CAMSAP1: variants seen among roughly 807,000 people sequenced by gnomAD.
CAMSAP1 encodes the protein calmodulin regulated spectrin associated protein 1.
CAMSAP1 carries 58 observed loss-of-function variants against 143.5 expected under a neutral mutation model. The observed-to-expected ratio is 0.40, with a 90% CI of 0.33 to 0.50. CAMSAP1 has a LOEUF of 0.50. Ranked by LOEUF, CAMSAP1 falls within the 20% of genes least tolerant of loss-of-function variation. CAMSAP1 has a pLI of 0.45. For synonymous variants in CAMSAP1, 945 were observed against 859.3 expected, an observed-to-expected ratio of 1.10 and a Z score of -1.74; for missense variants, 1,969 against 2,115.7, an observed-to-expected ratio of 0.93 and a Z score of 1.36.
At chr9:135,825,882 A>T (rs1835654608) in intron 8 of CAMSAP1, among the ~76,000 whole-genome samples, 1 of 152,194 alleles carries the variant, frequency 6.6e-6, no homozygotes, top group South Asian at 2.1e-4. Context: ...ACACAGTGAG[A>T]GCAGGTGTGC....
chr9:135,817,997 G>T lies in CAMSAP1; in HGVS notation c.4251C>A (p.Ser1417=). Residue 1417 remains serine (S), a synonymous_variant, in exon 14 of 17, where the codon TCC becomes TCA. Transcript: ENST00000389532. Reference sequence around the variant, plus strand: ...CTTACCGCTGAGAGGGTGTGCCCCCGGAATGAACGCTCTCGGGTTCTGTCG... The same window carrying T: ...CTTACCGCTGAGAGGGTGTGCCCCCTGAATGAACGCTCTCGGGTTCTGTCG... ...AATTEPESVH[S]GGTPSQRVES... The T allele has an allele frequency of 6.2e-7, 1 of 1,613,876 alleles. No individual in the cohort carries two copies. Among genetic ancestry groups the T allele is most frequent in the Non-Finnish European group, 8.5e-7 (1 of 1,179,868 alleles).
At chr9:135,855,133 A>G (rs1836909655) in intron 5 of CAMSAP1, among the ~76,000 whole-genome samples, 1 of 152,096 alleles carries the variant, frequency 6.6e-6, no homozygotes, top group South Asian at 2.1e-4. Context: ...CTGAGACTAC[A>G]GGTGTGCACC....
chr9:135,878,869 G>A (rs574501143), intron 3 of CAMSAP1, among the ~76,000 whole-genome samples: 90 of 152,200 alleles, frequency 5.9e-4, no homozygotes, highest in African/African-American at 2.1e-3. Flanking sequence ...ATATGGAAAT[G>A]GCAAGAAAAC....
intron 7 of CAMSAP1, among the ~76,000 whole-genome samples, 185 bp from the exon 8 acceptor site, chr9:135,827,769 G>A (rs566646676): frequency 2.0e-5 from 3 of 152,320 alleles, no homozygotes; most frequent in Admixed American, 6.5e-5. Flanking sequence ...TTATACCGAA[G>A]TAAATACTAA....
At chr9:135,825,743 G>A (rs1343080251) in intron 8 of CAMSAP1, among the ~76,000 whole-genome samples, 1 of 151,670 alleles carries the variant, frequency 6.6e-6, no homozygotes. Flanking sequence ...GGGATAATTC[G>A]CCAGGTGCAG....
chr9:135,838,042 GAC>G (rs1836163503), intron 7 of CAMSAP1, among the ~76,000 whole-genome samples: 2 of 148,150 alleles, frequency 1.3e-5, no homozygotes, highest in Admixed American at 6.7e-5. Flanking sequence ...CCCCTGTACA[GAC>G]ACACGTCATC....
Position 135,821,208 on chromosome 9 carries a change from G to A in CAMSAP1, c.3453C>T (p.Asp1151=), listed in dbSNP as rs758804149. 2 of 1,609,232 alleles carry A rather than the reference G, an allele frequency of 1.2e-6. No individual in the cohort carries two copies. Among genetic ancestry groups the A allele is most frequent in the Non-Finnish European group, 1.7e-6 (2 of 1,179,878 alleles). ...HPRTPTDPGL[D]SALEPSGDPH... is the part of the protein sequence containing the mutation. ...GGTCACCACTGGGCTCCAGGGCACT[G>A]TCCAGGCCAGGGTCCGTGGGCGTCC... The change falls in exon 11 of 17, where the codon GAC becomes GAT. Residue 1151 remains aspartate (D), a synonymous_variant. Transcript: ENST00000389532. This position sits in a 1 kb window ranked among gnomAD's most constrained non-coding sequence, Gnocchi z 4.6.
At chr9:135,900,928 A>G (rs1364201255) in intron 1 of CAMSAP1, among the ~76,000 whole-genome samples, 1 of 151,598 alleles carries the variant, frequency 6.6e-6, no homozygotes, top group Non-Finnish European at 1.5e-5. Context: ...CTAATTTTGT[A>G]TTTTTAGTAG....
At chr9:135,906,356 G>C (rs1346343653) in intron 1 of CAMSAP1, among the ~76,000 whole-genome samples, 1 of 152,244 alleles carries the variant, frequency 6.6e-6, no homozygotes, top group African/African-American at 2.4e-5. Context: ...AGCCACTGAC[G>C]AGAATCACTA....
chr9:135,884,154 A>T (rs1295563103), intron 1 of CAMSAP1, among the ~76,000 whole-genome samples: 2 of 152,054 alleles, frequency 1.3e-5, no homozygotes, highest in Non-Finnish European at 2.9e-5. Context: ...AGATACTCCC[A>T]CCTCCACAGA....
chr9:135,851,790 G>T (rs949884853), intron 5 of CAMSAP1, among the ~76,000 whole-genome samples: 1 of 152,184 alleles, frequency 6.6e-6, no homozygotes, highest in African/African-American at 2.4e-5. Flanking sequence ...ACCGCTATAT[G>T]GTCCTCCACG....
Position 135,824,994 on chromosome 9 carries a change from C to G in CAMSAP1, c.1224-114G>C. 1 of 829,276 alleles carries G rather than the reference C, an allele frequency of 1.2e-6. No individual in the cohort carries two copies. Among genetic ancestry groups the G allele is most frequent in the South Asian group, 1.7e-5 (1 of 57,520 alleles). The allele number at this position is 829,276 out of a possible 1,614,324, so 51.4% of individuals were successfully genotyped here. On this transcript the variant is annotated intron_variant, in intron 8 of 16. Transcript: ENST00000389532. This position sits in a 1 kb window ranked among gnomAD's most constrained non-coding sequence, Gnocchi z 4.1. ...AATTCACACCAAGTTTTGAGAAACTCGGACTGTTTGGGAAAAAAATGACAA... is the reference window on the plus strand; with the variant it reads ...AATTCACACCAAGTTTTGAGAAACTGGGACTGTTTGGGAAAAAAATGACAA...
chr9:135,822,782 T>C lies in CAMSAP1; in HGVS notation c.1879A>G (p.Arg627Gly), dbSNP rs1835527725. The C allele has an allele frequency of 6.2e-7, 1 of 1,613,908 alleles. No homozygotes were observed. Among genetic ancestry groups the C allele is most frequent in the East Asian group, 2.2e-5 (1 of 44,864 alleles). Residue 627 changes from arginine (R) to glycine (G), a missense_variant, in exon 11 of 17, where the codon AGG becomes GGG. Coordinates refer to ENST00000389532, the MANE Select transcript of CAMSAP1 (RefSeq NM_015447.4). This position sits in a 1 kb window ranked among gnomAD's most constrained non-coding sequence, Gnocchi z 6.1. The part of the protein sequence containing the change: ...EGRPRSIVSR[R>G]PSEGPQPLVR... ...AAAGGCTGGGGGCCCTCGCTGGGCC[T>C]CCTAGACACGATGCTCCTCGGTCTC...
Position 135,822,656 on chromosome 9 carries a change from G to C in CAMSAP1, c.2005C>G (p.Pro669Ala), listed in dbSNP as rs756421203. The change falls in exon 11 of 17, where the codon CCA becomes GCA. Residue 669 changes from proline to alanine, a missense_variant. Transcript: ENST00000389532. The surrounding 1 kb of genome is among the most constrained non-coding windows in gnomAD (Gnocchi z 6.1). ...TCTCCTGCGGTTTCCACTGACAGTG[G>C]TCCTGTCTCGGTGGGGTCGATGCCC... ...PMGIDPTETG[P>A]LSVETAGEVC... 24 of 1,609,964 alleles carry C rather than the reference G, an allele frequency of 1.5e-5. No individual in the cohort carries two copies. The South Asian group carries it at 2.5e-4, about 17-fold the overall frequency.
intron 7 of CAMSAP1, among the ~76,000 whole-genome samples, chr9:135,846,626 T>G (rs1458311147): frequency 3.8e-5 from 5 of 130,516 alleles, no homozygotes; most frequent in Admixed American, 1.7e-4. Flanking sequence ...TTGCAATCTA[T>G]CCAACTGACA....
In CAMSAP1 at chr9:135,821,283, A is replaced by G. The variant is rs764491278; in HGVS notation, c.3378T>C (p.Ser1126=). 19 of 1,610,944 alleles carry G rather than the reference A, an allele frequency of 1.2e-5. No individual in the cohort carries two copies. The highest frequency in any genetic ancestry group is 1.6e-5 in the Non-Finnish European group (19 of 1,179,844). Residue 1126 remains serine, a synonymous_variant, in exon 11 of 17, where the codon AGT becomes AGC. Transcript: ENST00000389532. The surrounding 1 kb of genome is among the most constrained non-coding windows in gnomAD (Gnocchi z 4.6). ...GSSRSKTPTP[S]VETLPHLRPF... ...GTCTCAAGTGCGGGAGCGTCTCTAC[A>G]CTGGGCGTTGGGGTTTTACTTCGGG...
Position 135,881,570 on chromosome 9 carries a change from CAAGTGA to C in CAMSAP1, c.585+57_585+62del, listed in dbSNP as rs1460515644. The C allele has an allele frequency of 2.0e-6, 3 of 1,530,670 alleles. No homozygotes were observed. The African/African-American group carries it at 4.1e-5, about 21-fold the overall frequency. The allele number at this position is 1,530,670 out of a possible 1,614,324, so 94.8% of individuals were successfully genotyped here. On this transcript the variant is annotated intron_variant, in intron 3 of 16. Coordinates refer to ENST00000389532, the MANE Select transcript of CAMSAP1 (RefSeq NM_015447.4). ...CGTGACAGACAAGGTGTGCTGCTCTCAAGTGAAAAGGAGACCGGCCACAGAAGCAGA... is the reference window on the plus strand; with the variant it reads ...CGTGACAGACAAGGTGTGCTGCTCTCAAAGGAGACCGGCCACAGAAGCAGA...
chr9:135,867,973 T>TG (rs774519301), intron 3 of CAMSAP1, among the ~76,000 whole-genome samples: 4 of 152,160 alleles, frequency 2.6e-5, no homozygotes, highest in Admixed American at 6.5e-5. Flanking sequence ...CTTAAAAAGT[T>TG]GGAGCAAGAA....
At chr9:135,836,652 A>G (rs1836055706) in intron 7 of CAMSAP1, 1 of 978,508 alleles carries the variant, frequency 1.0e-6, no homozygotes, top group African/African-American at 1.8e-5. Context: ...ATCATCACGC[A>G]CTTTCTACCC....
Sources: allele counts gnomAD v4.1 joint callset (sites outside exome capture counted in the v4.1 genomes callset), GRCh38; gene constraint gnomAD v4.1.1; non-coding constraint Gnocchi (gnomAD v3.1); transcripts MANE v1.5; gene names NCBI Gene and HGNC (gene_info 2026-07-23, HGNC 2026-07-21).